CEP131: variants seen among roughly 807,000 people sequenced by gnomAD.
The protein encoded by CEP131 is centrosomal protein of 131 kDa.
Under a neutral mutation model 136.8 loss-of-function variants are expected in CEP131, and 99 were observed. The observed-to-expected ratio is 0.72, with a 90% CI of 0.62 to 0.86. The LOEUF (loss-of-function observed/expected upper bound fraction) is 0.86, where lower values mean the gene tolerates loss of function less well. Ranked by LOEUF, CEP131 falls within the 40% of genes least tolerant of loss-of-function variation. CEP131 has a pLI of 0.00. For synonymous variants in CEP131, 646 were observed against 612.7 expected, an observed-to-expected ratio of 1.05 and a Z score of -0.80; for missense variants, 1,459 against 1,463.0, an observed-to-expected ratio of 1.00 and a Z score of 0.04.
chr17:81,198,035 C>T lies in CEP131; in HGVS notation c.1470+80G>A, dbSNP rs967853399. 2.4e-5 allele frequency: 35 copies of T among 1,481,908 alleles called. 3 individuals are homozygous for T. The Admixed American group carries it at 2.5e-4, about 10-fold the overall frequency. 91.8% of individuals were successfully genotyped at this position (1,481,908 alleles called of 1,614,324 possible). On this transcript the variant is annotated intron_variant, in intron 12 of 25. Transcript: ENST00000450824. ...GGAGCCTGTGGCATCCCCATTTTCC[C>T]AACCCCCACAGCCACCGCATGCTCT...
At chr17:81,197,570 C>A (rs569171486) in intron 13 of CEP131, 142 bp downstream of exon 13, 4 of 1,250,728 alleles carry the variant, frequency 3.2e-6, no homozygotes, top group East Asian at 5.2e-5. Flanking sequence ...CTGCTGGGGG[C>A]CGGGTGGGGG....
chr17:81,211,934 GAAAAAA>G (rs149683349), intron 2 of CEP131, among the ~76,000 whole-genome samples: 1,505 of 115,154 alleles, frequency 0.013, 39 homozygotes, highest in African/African-American at 0.045. Context: ...CCCTGTCTCT[GAAAAAA>G]AAAAAAAAAG....
Position 81,198,143 on chromosome 17 carries a change from T to C in CEP131, c.1442A>G (p.His481Arg), listed in dbSNP as rs770408446. ...GCTGGCCCAGGCGTATCTGCCCCTG[T>C]GATGGGTCCTGGGGCGGGGCAGCAC... Reference protein sequence around the residue: ...PDVLPRPRTHHRGRYAWASEE... With the variant: ...PDVLPRPRTHRRGRYAWASEE... The change falls in exon 12 of 26, where the codon CAC becomes CGC. Residue 481 changes from histidine (H) to arginine (R), a missense_variant. Physicochemically the swap from His to Arg is conservative, Grantham distance 29. Transcript: ENST00000450824. 1.3e-6 allele frequency: 2 copies of C among 1,573,756 alleles called. No individual in the cohort carries two copies. The highest frequency in any genetic ancestry group is 1.7e-6 in the Non-Finnish European group (2 of 1,160,070).
At position 81,198,960 on chromosome 17, in the gene CEP131, G is replaced by T; in HGVS notation, c.1204C>A (p.Pro402Thr). The part of the protein sequence containing the change: ...LKANNTGGGL[P>T]AAGPGDRCLP... ...CAGCGGTCTCCGGGGCCTGCAGCAGGGAGGCCACCACCTGCACAGCAGAAC... is the reference window on the plus strand; with the variant it reads ...CAGCGGTCTCCGGGGCCTGCAGCAGTGAGGCCACCACCTGCACAGCAGAAC... Residue 402 changes from proline to threonine, a missense_variant, in exon 11 of 26, where the codon CCT becomes ACT. By Grantham distance (38) the Pro-to-Thr change is conservative. Transcript: ENST00000450824. 1 of 1,572,910 alleles carries T rather than the reference G, an allele frequency of 6.4e-7. No homozygotes were observed. Among genetic ancestry groups the T allele is most frequent in the East Asian group, 2.3e-5 (1 of 43,220 alleles).
chr17:81,201,194 G>A (rs1180706107), intron 7 of CEP131, among the ~76,000 whole-genome samples: 2 of 152,158 alleles, frequency 1.3e-5, no homozygotes, highest in African/African-American at 2.4e-5. Flanking sequence ...AGTCTGCCCC[G>A]GGCAGAACTG....
intron 2 of CEP131, among the ~76,000 whole-genome samples, chr17:81,210,038 AAG>A: frequency 1.5e-5 from 1 of 65,460 alleles, no homozygotes; most frequent in Non-Finnish European, 3.4e-5. Context: ...GCGCTCGGAG[AAG>A]CGGACGCTAA....
At chr17:81,198,854 G>A in intron 11 of CEP131, 23 bp downstream of exon 11, 2 of 1,559,772 alleles carry the variant, frequency 1.3e-6, no homozygotes, top group South Asian at 1.2e-5. Context: ...CCATGATGGA[G>A]TGAAGGACAG....
intron 11 of CEP131, among the ~76,000 whole-genome samples, 160 bp from the exon 12 acceptor site, chr17:81,198,457 C>T (rs762016499): frequency 3.3e-5 from 5 of 152,166 alleles, no homozygotes; most frequent in Admixed American, 6.5e-5. Flanking sequence ...CCTTCCCACC[C>T]GGTCTCTGCA....
At chr17:81,195,983 C>T in intron 15 of CEP131, 32 bp from the exon 16 acceptor site, 1 of 1,571,496 alleles carries the variant, frequency 6.4e-7, no homozygotes, top group African/African-American at 1.3e-5. Flanking sequence ...AGGTGCTACA[C>T]CAAGGCCCCA....
intron 21 of CEP131, among the ~76,000 whole-genome samples, chr17:81,191,816 C>G (rs2061647251): frequency 6.6e-6 from 1 of 152,194 alleles, no homozygotes; most frequent in African/African-American, 2.4e-5. Context: ...TGCCTGGCTG[C>G]TCGGTGACAT....
chr17:81,219,962 C>G lies in CEP131; in HGVS notation c.95G>C (p.Arg32Pro), dbSNP rs530864094. 3.1e-6 allele frequency: 5 copies of G among 1,611,828 alleles called. No homozygotes were observed. The South Asian group carries it at 5.5e-5, about 18-fold the overall frequency. ...LTGLPPPVSRRPGSAATTKPI... is the reference protein window; with the variant it reads ...LTGLPPPVSRPPGSAATTKPI... Reference sequence around the variant, plus strand: ...CTTGGTGGTGGCGGCACTGCCAGGACGCCGGGACACAGGCGGAGGGAGACC... The same window carrying G: ...CTTGGTGGTGGCGGCACTGCCAGGAGGCCGGGACACAGGCGGAGGGAGACC... Residue 32 changes from arginine to proline, a missense_variant, in exon 2 of 26, where the codon CGT becomes CCT. Physicochemically the swap from Arg to Pro is moderately radical, Grantham distance 103. This residue lies in a region of CEP131 where 187 missense variants were observed against 179.9 expected (regional missense o/e 1.04). Coordinates refer to ENST00000450824, the MANE Select transcript of CEP131 (RefSeq NM_014984.4). This position sits in a 1 kb window ranked among gnomAD's most constrained non-coding sequence, Gnocchi z 4.0.
chr17:81,214,781 A>G (rs1178622374), intron 2 of CEP131, among the ~76,000 whole-genome samples: 3 of 151,952 alleles, frequency 2.0e-5, no homozygotes, highest in African/African-American at 7.3e-5. Context: ...CAAAAAAAAA[A>G]ATTTTTTTTG....
chr17:81,196,442 C>A (rs1170696614), intron 15 of CEP131, among the ~76,000 whole-genome samples: 1 of 152,220 alleles, frequency 6.6e-6, no homozygotes, highest in South Asian at 2.1e-4. Context: ...AGGAGCCAAC[C>A]GGGGCTGCGA....
intron 5 of CEP131, 98 bp downstream of exon 5, chr17:81,206,646 G>A (rs2062014082): frequency 1.4e-6 from 2 of 1,452,068 alleles, no homozygotes; most frequent in South Asian, 2.7e-5. Flanking sequence ...TCATTCCAAA[G>A]CACCCTGAAC....
In CEP131 at chr17:81,208,054, CCA is replaced by C. The variant is rs1432015485; in HGVS notation, c.273-817_273-816del. Among the ~76,000 whole-genome samples, 1 of 139,352 alleles carries C rather than the reference CCA, an allele frequency of 7.2e-6. No individual in the cohort carries two copies. Among genetic ancestry groups the C allele is most frequent in the African/African-American group, 2.7e-5 (1 of 37,254 alleles). The allele number at this position is 139,352 out of a possible 152,430, so 91.4% of individuals were successfully genotyped here. The stretch of plus-strand genomic sequence containing the variant: ...ACACACCACACACCCCCCACACACA[CCA>C]CACTCACACCACACACCCACACACC... On this transcript the variant is annotated intron_variant, in intron 3 of 25. Transcript: ENST00000450824. This position sits in a 1 kb window ranked among gnomAD's most constrained non-coding sequence, Gnocchi z 5.6.
chr17:81,190,733 G>GGTTCGAGGAC lies in CEP131; in HGVS notation c.3012_3013insGTCCTCGAAC (p.Leu1005ValfsTer8). ...CGCGTCTCCTCCTCAGAGGCTGCCA[G>GGTTCGAGGAC]CCGGTCCTCGAACTCCTGGCGGATC... is the stretch of plus-strand genomic sequence containing the variant. On this transcript the variant is annotated frameshift_variant, in exon 24 of 26. Transcript: ENST00000450824. LOFTEE classifies it high-confidence loss of function. 6.2e-7 allele frequency: 1 copy of GGTTCGAGGAC among 1,611,440 alleles called. No individual in the cohort carries two copies. Among genetic ancestry groups the GGTTCGAGGAC allele is most frequent in the Non-Finnish European group, 8.5e-7 (1 of 1,179,486 alleles).
chr17:81,220,982 G>A (rs1047910642), intron 1 of CEP131, among the ~76,000 whole-genome samples: 5 of 151,778 alleles, frequency 3.3e-5, no homozygotes, highest in South Asian at 2.1e-4. Flanking sequence ...AAAATTAGCC[G>A]GGCGTGGTGG....
At chr17:81,217,439 C>T (rs190313490) in intron 2 of CEP131, among the ~76,000 whole-genome samples, 2 of 152,060 alleles carry the variant, frequency 1.3e-5, no homozygotes, top group East Asian at 1.9e-4. Flanking sequence ...AATCACGTGC[C>T]GCCTTGTACA....
intron 5 of CEP131, among the ~76,000 whole-genome samples, chr17:81,205,990 G>A (rs2062001315): frequency 6.6e-6 from 1 of 152,168 alleles, no homozygotes. Context: ...TGGATCATGA[G>A]GTCAGGAGAT....
Sources: gnomAD v4.1 joint callset for allele counts (sites outside exome capture counted in the v4.1 genomes callset) on GRCh38, gnomAD v4.1.1 for gene constraint, gnomAD v4.1.1 regional missense constraint, Gnocchi (gnomAD v3.1) non-coding constraint, MANE v1.5 for transcripts, NCBI Gene and HGNC (gene_info 2026-07-23, HGNC 2026-07-21) for gene names.